Variants in CSNK1G3 observed in about 807,000 individuals in gnomAD.
CSNK1G3 encodes the protein casein kinase I isoform gamma-3.
In CSNK1G3, 23 loss-of-function variants were observed where a neutral mutation model predicts 64.3. That is an observed-to-expected ratio of 0.36 (90% confidence interval 0.26 to 0.51). CSNK1G3 has a LOEUF of 0.51. CSNK1G3 is among the 20% of genes least tolerant of loss of function. CSNK1G3 has a pLI of 0.96. For synonymous variants in CSNK1G3, 158 were observed against 162.2 expected, an observed-to-expected ratio of 0.97 and a Z score of 0.20; for missense variants, 357 against 510.5, an observed-to-expected ratio of 0.70 and a Z score of 2.90.
At chr5:123,588,248 T>C (rs1449797006) in intron 7 of CSNK1G3, 95 bp downstream of exon 7, 11 of 1,165,500 alleles carry the variant, frequency 9.4e-6, no homozygotes, top group Non-Finnish European at 1.3e-5. Context: ...TTTAAAATTT[T>C]ATTTTGTAAG....
intron 6 of CSNK1G3, among the ~76,000 whole-genome samples, chr5:123,576,278 A>G (rs894962706): frequency 6.6e-6 from 1 of 152,120 alleles, no homozygotes; most frequent in Admixed American, 6.5e-5. Flanking sequence ...ATGAGAGAAT[A>G]CCAAATTTTA....
At chr5:123,590,496 G>A in exon 9 of CSNK1G3, 1 of 1,543,518 alleles carries the variant, frequency 6.5e-7, no homozygotes. Flanking sequence ...GCTTTTTACT[G>A]ACTTGTTTGA....
intron 4 of CSNK1G3, among the ~76,000 whole-genome samples, chr5:123,563,513 C>T (rs565366727): frequency 3.9e-5 from 6 of 151,964 alleles, no homozygotes; most frequent in East Asian, 1.9e-4. Context: ...TCGATGCCTA[C>T]GTTTTCACTT....
chr5:123,551,147 GATA>G (rs753581085), intron 2 of CSNK1G3, among the ~76,000 whole-genome samples: 1 of 152,158 alleles, frequency 6.6e-6, no homozygotes, highest in Non-Finnish European at 1.5e-5. Context: ...ATGAAAAGAT[GATA>G]ATATGTTTGG....
At chr5:123,550,807 ATTTG>A (rs1199791464) in intron 2 of CSNK1G3, among the ~76,000 whole-genome samples, 3 of 152,084 alleles carry the variant, frequency 2.0e-5, no homozygotes, top group East Asian at 1.9e-4. Context: ...TTTGTGCATC[ATTTG>A]TTTGTTTATG....
At chr5:123,535,423 G>C (rs758279568) in intron 1 of CSNK1G3, among the ~76,000 whole-genome samples, 1 of 151,958 alleles carries the variant, frequency 6.6e-6, no homozygotes, top group Non-Finnish European at 1.5e-5. Context: ...GTAGTTTCAT[G>C]ACTCCTGGTA....
chr5:123,536,512 T>C (rs1780845349), intron 1 of CSNK1G3, among the ~76,000 whole-genome samples: 1 of 151,112 alleles, frequency 6.6e-6, no homozygotes, highest in African/African-American at 2.4e-5. Flanking sequence ...AGGGGGACTA[T>C]AGTTAACAGT....
chr5:123,606,860 A>G (rs889171525), intron 12 of CSNK1G3, among the ~76,000 whole-genome samples: 1 of 152,206 alleles, frequency 6.6e-6, no homozygotes, highest in Non-Finnish European at 1.5e-5. Context: ...CTTGTTCTTA[A>G]GTAGATTACA....
At position 123,537,136 on chromosome 5, in the gene CSNK1G3, C is replaced by G. The variant is rs2150158321; in HGVS notation, c.-247-8281C>G. 1.3e-5 allele frequency among the ~76,000 whole-genome samples: 2 copies of G among 152,236 alleles called. 1 individual carries two copies. The highest frequency in any genetic ancestry group is 2.9e-5 in the Non-Finnish European group (2 of 68,006). On this transcript the variant is annotated intron_variant, in intron 1 of 12. Transcript: ENST00000345990. Reference sequence around the variant, plus strand: ...CACATGTCAAAAAGATGCTTGCACTCCTACATTTATGGCAGCACTGTTCAC... The same window carrying G: ...CACATGTCAAAAAGATGCTTGCACTGCTACATTTATGGCAGCACTGTTCAC...
At chr5:123,523,111 A>C (rs1015412464) in intron 1 of CSNK1G3, among the ~76,000 whole-genome samples, 2 of 150,954 alleles carry the variant, frequency 1.3e-5, no homozygotes, top group Admixed American at 6.6e-5. Context: ...TCAGGATGGA[A>C]GGGACTTCAA....
In CSNK1G3 at chr5:123,604,947, A is replaced by G. The variant is rs1048792638; in HGVS notation, c.1193+117A>G. The G allele has an allele frequency of 6.2e-5, 43 of 694,728 alleles. No homozygotes were observed. In the Admixed American group the frequency reaches 1.2e-3, roughly 19 times the overall value. 43.0% of individuals were successfully genotyped at this position (694,728 alleles called of 1,614,324 possible). A position where few individuals can be genotyped will look rare whatever the true frequency, so the allele number is the denominator to read the frequency against. ...TTTTTTCAGGGAATAGGTGCATGCA[A>G]AACAAGTGGTATGCTTAATTATTTT... On this transcript the variant is annotated intron_variant, in intron 11 of 12. Coordinates refer to ENST00000345990, the Ensembl canonical transcript of CSNK1G3.
chr5:123,602,019 ATAAT>A (rs757736813), intron 10 of CSNK1G3, among the ~76,000 whole-genome samples: 11 of 152,350 alleles, frequency 7.2e-5, no homozygotes, highest in Non-Finnish European at 1.3e-4. Flanking sequence ...ATTAGAAAAA[ATAAT>A]TATTTTTAAA....
At chr5:123,566,160 A>AT (rs1786829510) in intron 4 of CSNK1G3, among the ~76,000 whole-genome samples, 1 of 152,212 alleles carries the variant, frequency 6.6e-6, no homozygotes, top group African/African-American at 2.4e-5. Flanking sequence ...GTTTCTGTGT[A>AT]TTACTGTTGT....
chr5:123,580,196 T>G (rs913446376), intron 6 of CSNK1G3, among the ~76,000 whole-genome samples: 2 of 151,946 alleles, frequency 1.3e-5, no homozygotes, highest in African/African-American at 4.8e-5. Context: ...AAAGCCTTAT[T>G]CATTCACCCA....
chr5:123,554,104 C>T (rs1323324466), intron 3 of CSNK1G3, among the ~76,000 whole-genome samples: 1 of 152,126 alleles, frequency 6.6e-6, no homozygotes, highest in African/African-American at 2.4e-5. Flanking sequence ...AAAAACTCCA[C>T]TATTTAATTT....
In CSNK1G3 at chr5:123,536,125, A is replaced by G. The variant is rs76606865; in HGVS notation, c.-247-9292A>G. On this transcript the variant is annotated intron_variant, in intron 1 of 12. Transcript: ENST00000345990. ...TTATGTAAAATGAACCAATCCACCT[A>G]CACATATTTCTGTACATAAGTATTT... Among the ~76,000 whole-genome samples the G allele has an allele frequency of 6.3e-3, 952 of 152,244 alleles. 12 individuals are homozygous for G. The highest frequency in any genetic ancestry group is 0.022 in the African/African-American group (910 of 41,562).
At chr5:123,546,800 G>C (rs1782607235) in intron 2 of CSNK1G3, among the ~76,000 whole-genome samples, 2 of 152,058 alleles carry the variant, frequency 1.3e-5, no homozygotes. Flanking sequence ...AATTTGTAGT[G>C]ACTCATTCAT....
exon 13 of CSNK1G3, chr5:123,616,878 C>G (rs553390398): frequency 1.3e-5 from 2 of 152,104 alleles, no homozygotes; most frequent in Admixed American, 1.3e-4. Flanking sequence ...ATATGAGAAG[C>G]AGAGCTAAAG....
intron 4 of CSNK1G3, among the ~76,000 whole-genome samples, chr5:123,569,417 C>G (rs1303348816): frequency 1.3e-5 from 2 of 152,114 alleles, no homozygotes; most frequent in Non-Finnish European, 1.5e-5. Flanking sequence ...TACCAAAAAA[C>G]TTTTTCTATT....
Sources: allele counts gnomAD v4.1 joint callset (sites outside exome capture counted in the v4.1 genomes callset), GRCh38; gene constraint gnomAD v4.1.1; transcripts MANE v1.5; gene names NCBI Gene and HGNC (gene_info 2026-07-23, HGNC 2026-07-21).